Variants in C11orf65 observed in about 807,000 individuals in gnomAD.
C11orf65 encodes the protein chromosome 11 open reading frame 65.
C11orf65 carries 38 observed loss-of-function variants against 35.3 expected under a neutral mutation model. That is an observed-to-expected ratio of 1.08 (90% CI 0.83 to 1.41). The LOEUF is 1.41. Among genes scored for constraint, C11orf65 ranks in the 40% most tolerant of loss-of-function variants. The probability of loss-of-function intolerance (pLI) is 0.00; values close to 1 mark genes in which losing one functional copy is unlikely to be tolerated. For synonymous variants in C11orf65, 105 were observed against 114.4 expected (o/e 0.92, Z 0.53); for missense variants, 370 against 367.1 (o/e 1.01, Z -0.06).
chr11:108,382,929 C>T lies in C11orf65; in HGVS notation c.*92G>A. On this transcript the variant is annotated 3_prime_UTR_variant, in exon 9 of 9. Transcript: ENST00000393084. ...AGATTCTGTGCCCAGAATATATACA[C>T]AAGTTATTCCAGTCAGAATACACTA... The T allele has an allele frequency of 6.4e-7, 1 of 1,570,172 alleles. No homozygotes were observed. Among genetic ancestry groups the T allele is most frequent in the Non-Finnish European group, 8.6e-7 (1 of 1,167,660 alleles).
At chr11:108,338,933 T>TG (rs1201924762) in intron 2 of C11orf65, among the ~76,000 whole-genome samples, 5 of 152,156 alleles carry the variant, frequency 3.3e-5, no homozygotes, top group Non-Finnish European at 7.4e-5. Context: ...TCATTCCCAA[T>TG]CCTGAGATTC....
chr11:108,446,729 G>A (rs1449651495), intron 2 of C11orf65, among the ~76,000 whole-genome samples: 10 of 152,208 alleles, frequency 6.6e-5, no homozygotes, highest in African/African-American at 2.2e-4. Context: ...ATCAACTAAC[G>A]AGCAAAATAA....
intron 6 of C11orf65, among the ~76,000 whole-genome samples, chr11:108,395,787 A>G (rs921062767): frequency 6.7e-5 from 10 of 148,908 alleles, no homozygotes; most frequent in Non-Finnish European, 1.5e-4. Context: ...CGCCTGGCTA[A>G]TTTTTTGTAT....
intron 6 of C11orf65, among the ~76,000 whole-genome samples, chr11:108,324,870 A>G (rs987076556): frequency 6.6e-6 from 1 of 152,164 alleles, no homozygotes; most frequent in Non-Finnish European, 1.5e-5. Context: ...TTTTTTTGAC[A>G]GCTATAATTA....
At position 108,365,476 on chromosome 11, in the gene C11orf65, C is replaced by T. The variant is rs121434219; in HGVS notation, c.226+27732G>A. The T allele has an allele frequency of 1.6e-5, 26 of 1,613,988 alleles. No homozygotes were observed. Among genetic ancestry groups the T allele is most frequent in the South Asian group, 8.8e-5 (8 of 91,078 alleles). On this transcript the variant is annotated intron_variant, in intron 2 of 3. Coordinates refer to the C11orf65 transcript ENST00000524755. ...GGCCATAGACCCCAAAAATCTCAGC[C>T]GACTTTTCCCAGGATGGAAAGCTTG...
downstream of C11orf65, among the ~76,000 whole-genome samples, chr11:108,380,046 G>A (rs944181078): frequency 9.9e-5 from 15 of 152,114 alleles, no homozygotes; most frequent in African/African-American, 9.7e-5. Flanking sequence ...TCATCTCCAC[G>A]TCACCTAATT....
At chr11:108,357,414 C>T (rs546747875) in intron 2 of C11orf65, among the ~76,000 whole-genome samples, 59 of 152,312 alleles carry the variant, frequency 3.9e-4, no homozygotes, top group African/African-American at 1.2e-3. Flanking sequence ...ACAAAGCAGC[C>T]GGGAAGCTCG....
intron 2 of C11orf65, among the ~76,000 whole-genome samples, chr11:108,448,586 C>T (rs938632479): frequency 1.3e-5 from 2 of 152,128 alleles, no homozygotes; most frequent in Non-Finnish European, 2.9e-5. Flanking sequence ...ATTCAACAAC[C>T]CTTCATGCTA....
intron 2 of C11orf65, among the ~76,000 whole-genome samples, chr11:108,443,738 G>A (rs551998269): frequency 1.3e-5 from 2 of 152,226 alleles, no homozygotes; most frequent in African/African-American, 4.8e-5. Flanking sequence ...ATAACAAAAT[G>A]AAGGCAGAAA....
At chr11:108,325,237 A>T in intron 6 of C11orf65, 2 of 1,037,126 alleles carry the variant, frequency 1.9e-6, no homozygotes, top group Non-Finnish European at 2.8e-6. Flanking sequence ...CGTAAGTTCC[A>T]GAACTTACAT....
At chr11:108,373,353 T>C (rs1033642123) in intron 2 of C11orf65, among the ~76,000 whole-genome samples, 1 of 152,152 alleles carries the variant, frequency 6.6e-6, no homozygotes, top group African/African-American at 2.4e-5. Flanking sequence ...ACAAAGGACA[T>C]CTGTGAAAAA....
Position 108,466,531 on chromosome 11 carries a change from G to A in C11orf65, c.-10+940C>T, listed in dbSNP as rs566594640. Among the ~76,000 whole-genome samples the A allele has an allele frequency of 1.4e-4, 21 of 152,246 alleles. No individual in the cohort carries two copies. In the South Asian group the frequency reaches 4.4e-3, roughly 32 times the overall value. The stretch of plus-strand genomic sequence containing the variant: ...AGAGGTTGCAGTGAACTGAGATCAC[G>A]CCACTGCACTCAGCCTGGGCAACAC... On this transcript the variant is annotated intron_variant, in intron 1 of 8. Transcript: ENST00000393084.
Position 108,400,890 on chromosome 11 carries a change from A to C in C11orf65, c.560+4539T>G, listed in dbSNP as rs192286549. The stretch of plus-strand genomic sequence containing the variant: ...GGGAGGCCGAGGCAGGCAGATCACA[A>C]GGTCAGGAGTTCAAGACCAGCCTGG... On this transcript the variant is annotated intron_variant, in intron 6 of 8. Transcript: ENST00000393084. Among the ~76,000 whole-genome samples, 3 of 152,190 alleles carry C rather than the reference A, an allele frequency of 2.0e-5. No individual in the cohort carries two copies. In the East Asian group the frequency reaches 5.8e-4, roughly 29 times the overall value.
chr11:108,357,931 C>A (rs1160842923), intron 2 of C11orf65, among the ~76,000 whole-genome samples: 1 of 150,780 alleles, frequency 6.6e-6, no homozygotes, highest in Non-Finnish European at 1.5e-5. Flanking sequence ...AGCAACGGAA[C>A]AAAGCTGGAT....
chr11:108,457,758 C>T (rs1452090261), intron 2 of C11orf65, among the ~76,000 whole-genome samples: 1 of 152,082 alleles, frequency 6.6e-6, no homozygotes, highest in Non-Finnish European at 1.5e-5. Flanking sequence ...TAAAGAAGTA[C>T]TCATGTTACT....
intron 6 of C11orf65, chr11:108,321,551 A>G: frequency 2.2e-6 from 3 of 1,344,464 alleles, no homozygotes; most frequent in Non-Finnish European, 3.1e-6. Context: ...AGAAGGCTGA[A>G]GTGGGTGGAT....
At chr11:108,377,150 T>C (rs995057994) in intron 2 of C11orf65, among the ~76,000 whole-genome samples, 8 of 151,330 alleles carry the variant, frequency 5.3e-5, no homozygotes, top group Non-Finnish European at 8.9e-5. Context: ...ATCATCCTGA[T>C]ACCAAAGCCG....
At chr11:108,413,111 A>T (rs192706911) in intron 3 of C11orf65, among the ~76,000 whole-genome samples, 35 of 152,310 alleles carry the variant, frequency 2.3e-4, no homozygotes, top group Non-Finnish European at 3.4e-4. Context: ...CGAACAACAG[A>T]ATATATATTC....
intron 6 of C11orf65, among the ~76,000 whole-genome samples, chr11:108,315,067 T>G (rs1014596456): frequency 6.6e-6 from 1 of 152,180 alleles, no homozygotes; most frequent in Non-Finnish European, 1.5e-5. Flanking sequence ...AGGCTTATAG[T>G]ATTGCAGTAA....
Sources: gnomAD v4.1 joint callset for allele counts (sites outside exome capture counted in the v4.1 genomes callset) on GRCh38, gnomAD v4.1.1 for gene constraint, MANE v1.5 for transcripts, NCBI Gene and HGNC (gene_info 2026-07-23, HGNC 2026-07-21) for gene names.